Variants in NME8 observed in about 807,000 individuals in gnomAD.
NME8 encodes the protein protein NME8.
In NME8, 72 loss-of-function variants were observed where a neutral mutation model predicts 82.3. The ratio of observed to expected loss-of-function variants is 0.87; its 90% CI spans 0.72 to 1.06. The LOEUF (loss-of-function observed/expected upper bound fraction) is 1.06, where lower values mean the gene tolerates loss of function less well. Ranked by LOEUF, NME8 falls within the 50% of genes least tolerant of loss-of-function variation. The pLI is 0.00. For missense variants in NME8, 712 were observed against 685.4 expected, an observed-to-expected ratio of 1.04 and a Z score of -0.43; for synonymous variants, 267 against 228.5, an observed-to-expected ratio of 1.17 and a Z score of -1.52.
At chr7:37,850,588 T>G in intron 4 of NME8, 41 bp from the exon 5 acceptor site, 1 of 1,538,036 alleles carries the variant, frequency 6.5e-7, no homozygotes, top group Non-Finnish European at 9.0e-7. Context: ...CTATCCTAGA[T>G]TGGTAGACTT....
intron 14 of NME8, among the ~76,000 whole-genome samples, chr7:37,886,426 G>C (rs1785041291): frequency 6.6e-6 from 1 of 152,022 alleles, no homozygotes; most frequent in African/African-American, 2.4e-5. Flanking sequence ...ATTTCTAATT[G>C]ATCCCCACTT....
At chr7:37,877,651 C>A (rs1347493342) in intron 12 of NME8, among the ~76,000 whole-genome samples, 1 of 152,110 alleles carries the variant, frequency 6.6e-6, no homozygotes, top group Non-Finnish European at 1.5e-5. Context: ...CTATGTAGAC[C>A]AGGATTTCTC....
At chr7:37,897,553 C>A (rs953524485) in intron 17 of NME8, among the ~76,000 whole-genome samples, 16 of 152,038 alleles carry the variant, frequency 1.1e-4, no homozygotes, top group East Asian at 1.9e-4. Context: ...ACAAACCAAA[C>A]CAAAACAAAA....
chr7:37,893,674 C>T (rs1418637991), intron 15 of NME8, among the ~76,000 whole-genome samples: 1 of 152,166 alleles, frequency 6.6e-6, no homozygotes, highest in African/African-American at 2.4e-5. Context: ...TGTTTTCTCA[C>T]CTGTGGTTCT....
chr7:37,892,655 T>C (rs1361426770), intron 15 of NME8, among the ~76,000 whole-genome samples: 4 of 152,062 alleles, frequency 2.6e-5, no homozygotes, highest in Non-Finnish European at 5.9e-5. Flanking sequence ...GTTCTCTATG[T>C]CCTTCTCTGT....
chr7:37,895,642 C>A (rs916159931), intron 16 of NME8, among the ~76,000 whole-genome samples: 1 of 152,062 alleles, frequency 6.6e-6, no homozygotes, highest in African/African-American at 2.4e-5. Flanking sequence ...TCTATACAGT[C>A]ATGCTTTGCA....
At chr7:37,863,553 A>C (rs897029773) in intron 8 of NME8, 91 bp downstream of exon 8, 36 of 782,220 alleles carry the variant, frequency 4.6e-5, no homozygotes, top group Non-Finnish European at 7.9e-5. Context: ...ACTGGTAACA[A>C]ATCCATGTTT....
intron 12 of NME8, among the ~76,000 whole-genome samples, chr7:37,884,067 G>A (rs1785004637): frequency 6.6e-6 from 1 of 152,080 alleles, no homozygotes; most frequent in Non-Finnish European, 1.5e-5. Flanking sequence ...TTGTATATGT[G>A]TATGTGTGTG....
chr7:37,885,931 C>G (rs901185523), intron 14 of NME8, among the ~76,000 whole-genome samples: 2 of 152,172 alleles, frequency 1.3e-5, no homozygotes, highest in Non-Finnish European at 2.9e-5. Context: ...GAAGAAAGGA[C>G]ACCCCTCATA....
rs2598044 is a variant in NME8 at position 37,850,714 on chromosome 7, C to T, written c.177C>T (p.Asp59=). 391,663 of 1,605,020 alleles carry T rather than the reference C, an allele frequency of 0.24. 49,984 individuals are homozygous for T. Among genetic ancestry groups the T allele is most frequent in the African/African-American group, 0.37 (27,467 of 74,716 alleles). ...AATTGAAAAATGAACTGAACGAAGA[C>T]GAAATTCTGCATTTTGCTGTCGTAA... ...FRKLKNELNE[D]EILHFAVAEA... The change falls in exon 5 of 18, where the codon GAC becomes GAT. Residue 59 remains aspartate, a synonymous_variant. Transcript: ENST00000199447.
rs916923210 is a variant in NME8, at chr7:37,857,056, G to A, written c.199-218G>A. Among the ~76,000 whole-genome samples, 9 of 152,122 alleles carry A rather than the reference G, an allele frequency of 5.9e-5. No individual in the cohort carries two copies. The East Asian group carries it at 1.5e-3, about 26-fold the overall frequency. ...GAGTAAATAAGTTTGGCTAAAGGTT[G>A]GTTAATGTAAAGGGAAACGGTGCGG... On this transcript the variant is annotated intron_variant, in intron 5 of 17. Transcript: ENST00000199447.
rs1170549976 is a variant in NME8 at position 37,888,246 on chromosome 7, ATAGCTTTTAAACCT to A, written c.1248-30_1248-17del. On this transcript the variant is annotated splice_polypyrimidine_tract_variant and intron_variant, in intron 14 of 17. Transcript: ENST00000199447. ...TGTTATATTATTCTGTTCTGTTCTA[ATAGCTTTTAAACCT>A]GACTTCTTTTTCAAAGTTTATGTGC... 1 of 1,609,502 alleles carries A rather than the reference ATAGCTTTTAAACCT, an allele frequency of 6.2e-7. No individual in the cohort carries two copies. Among genetic ancestry groups the A allele is most frequent in the Non-Finnish European group, 8.5e-7 (1 of 1,176,064 alleles).
intron 5 of NME8, among the ~76,000 whole-genome samples, chr7:37,856,282 T>C (rs1369500793): frequency 1.3e-5 from 2 of 152,210 alleles, no homozygotes; most frequent in African/African-American, 4.8e-5. Context: ...TATTTGGAGA[T>C]GGAGACTTTA....
intron 12 of NME8, among the ~76,000 whole-genome samples, chr7:37,877,609 C>T (rs568366164): frequency 6.6e-6 from 1 of 152,176 alleles, no homozygotes; most frequent in African/African-American, 2.4e-5. Flanking sequence ...TAGGAGCTTT[C>T]TAGGAGCTTT....
intron 12 of NME8, among the ~76,000 whole-genome samples, chr7:37,882,600 AGAGAGAGAGAGAGAGAAAG>A (rs906143280): frequency 1.3e-5 from 1 of 79,952 alleles, no homozygotes; most frequent in African/African-American, 4.2e-5. Flanking sequence ...AGAAAGAAAG[AGAGAGAGAGAGAGAGAAAG>A]AAAGAAAGAA....
In NME8 at chr7:37,867,815, C is replaced by T. The variant is rs975118756; in HGVS notation, c.735C>T (p.Asp245=). The T allele has an allele frequency of 1.2e-6, 2 of 1,613,896 alleles. No individual in the cohort carries two copies. The highest frequency in any genetic ancestry group is 1.7e-6 in the Non-Finnish European group (2 of 1,179,852). The stretch of plus-strand genomic sequence containing the variant: ...CTGAAGAAACCGAACCACAGACTGA[C>T]ACCGAACCTAACGAACGATCTGAGG... ...PPSEETEPQT[D]TEPNERSEDQ... Residue 245 remains aspartate (D), a synonymous_variant, in exon 11 of 18, where the codon GAC becomes GAT. Coordinates refer to ENST00000199447, the MANE Select transcript of NME8 (RefSeq NM_016616.5).
Position 37,894,542 on chromosome 7 carries a change from AAT to A in NME8, c.1478_1479del (p.Ile493ArgfsTer14), listed in dbSNP as rs1562843243. 6.2e-7 allele frequency: 1 copy of A among 1,611,054 alleles called. No homozygotes were observed. The highest frequency in any genetic ancestry group is 8.5e-7 in the Non-Finnish European group (1 of 1,177,446). On this transcript the variant is annotated frameshift_variant, in exon 16 of 18. Coordinates refer to ENST00000199447, the MANE Select transcript of NME8 (RefSeq NM_016616.5). LOFTEE classifies it high-confidence loss of function. ...AGAAAATGTTCCTAACTCCTGAGCA[AAT>A]AGAGAAAATTTATCCAAAAGTAACA... Reference protein sequence around the residue: ...VKKMFLTPEQIEKIYPKVTGK... With the variant: ...VKKMFLTPEQXEKIYPKVTGK...
At chr7:37,885,064 A>G (rs757845594) in intron 13 of NME8, 81 bp from the exon 14 acceptor site, 2 of 817,356 alleles carry the variant, frequency 2.4e-6, no homozygotes, top group South Asian at 1.4e-5. Flanking sequence ...CTATTTAACA[A>G]TATGCATTTG....
intron 12 of NME8, among the ~76,000 whole-genome samples, chr7:37,882,556 A>T (rs1046980958): frequency 1.9e-4 from 4 of 20,892 alleles, no homozygotes; most frequent in Non-Finnish European, 4.8e-4. Flanking sequence ...GGAAAGAAAG[A>T]AAGAAAGAAA....
Sources: allele counts gnomAD v4.1 joint callset (sites outside exome capture counted in the v4.1 genomes callset), GRCh38; gene constraint gnomAD v4.1.1; transcripts MANE v1.5; gene names NCBI Gene and HGNC (gene_info 2026-07-23, HGNC 2026-07-21).